Variants in PGBD2 observed in about 807,000 individuals in gnomAD.
PGBD2 encodes piggyBac transposable element derived 2, also known as piggyBac transposable element-derived protein 2.
Under a neutral mutation model 8.1 loss-of-function variants are expected in PGBD2, and 6 were observed. That is an observed-to-expected ratio of 0.74 (90% CI 0.40 to 1.46). The LOEUF (loss-of-function observed/expected upper bound fraction) is 1.46. Among genes scored for constraint, PGBD2 ranks in the 40% most tolerant of loss-of-function variants. PGBD2 has a pLI of 0.02. For missense variants in PGBD2, 802 were observed against 739.0 expected, an observed-to-expected ratio of 1.09 and a Z score of -0.99; for synonymous variants, 318 against 272.2, an observed-to-expected ratio of 1.17 and a Z score of -1.66.
chr1:248,873,447 TGAA>T, the PGBD2 span, among the ~76,000 whole-genome samples: 10 of 152,168 alleles, frequency 6.6e-5, no homozygotes, highest in Non-Finnish European at 1.3e-4. Flanking sequence ...ATGATGATAA[TGAA>T]GAAAAACAAA....
chr1:248,873,760 T>C, the PGBD2 span, among the ~76,000 whole-genome samples: 3 of 152,084 alleles, frequency 2.0e-5, no homozygotes, highest in African/African-American at 7.2e-5. Context: ...GACCAGTCAG[T>C]AGGGTTCCCA....
the PGBD2 span, among the ~76,000 whole-genome samples, chr1:248,900,414 C>T: frequency 1.1e-3 from 166 of 152,316 alleles, 2 homozygotes; most frequent in Admixed American, 1.2e-3. Context: ...TTGTCTTCAT[C>T]CCCAGGATGC....
chr1:248,911,294 T>C (rs887206284), intron 1 of PGBD2, among the ~76,000 whole-genome samples: 1 of 151,410 alleles, frequency 6.6e-6, no homozygotes, highest in African/African-American at 2.4e-5. Flanking sequence ...CCCTGGGTAC[T>C]TGAGATTAGG....
chr1:248,909,516 G>C (rs985336913), intron 1 of PGBD2, among the ~76,000 whole-genome samples: 1 of 152,192 alleles, frequency 6.6e-6, no homozygotes, highest in Non-Finnish European at 1.5e-5. Flanking sequence ...GTGCCCTGGA[G>C]TGTGGCCATT....
At chr1:248,912,448 A>G (rs921096482) in intron 1 of PGBD2, among the ~76,000 whole-genome samples, 10 of 152,170 alleles carry the variant, frequency 6.6e-5, no homozygotes, top group Non-Finnish European at 1.3e-4. Context: ...CAATGGTTAA[A>G]TGGGGGTTAC....
At chr1:248,907,038 A>T (rs561214836) in intron 1 of PGBD2, among the ~76,000 whole-genome samples, 40 of 152,092 alleles carry the variant, frequency 2.6e-4, no homozygotes, top group Non-Finnish European at 4.6e-4. Context: ...GGGGACCGGC[A>T]CTCAGCATAC....
At chr1:248,927,460 C>G in the PGBD2 span, among the ~76,000 whole-genome samples, 1 of 152,170 alleles carries the variant, frequency 6.6e-6, no homozygotes, top group African/African-American at 2.4e-5. Flanking sequence ...TCTTTTAAAA[C>G]AAGAGTCAGC....
At chr1:248,897,075 G>A in the PGBD2 span, among the ~76,000 whole-genome samples, 1 of 152,170 alleles carries the variant, frequency 6.6e-6, no homozygotes, top group East Asian at 1.9e-4. Flanking sequence ...TGCTAGCCGT[G>A]GTAAAGAAAT....
chr1:248,919,382 C>G (rs1260746768), downstream of PGBD2: 1 of 166,522 alleles, frequency 6.0e-6, no homozygotes, highest in African/African-American at 2.4e-5. Flanking sequence ...ACATAATGAC[C>G]TCCAGTTCCA....
At chr1:248,896,973 A>C in the PGBD2 span, among the ~76,000 whole-genome samples, 2 of 152,236 alleles carry the variant, frequency 1.3e-5, no homozygotes, top group Non-Finnish European at 2.9e-5. Context: ...TTCCTCTTCA[A>C]AGATTTTCCT....
chr1:248,889,336 G>C, the PGBD2 span, among the ~76,000 whole-genome samples: 3 of 151,300 alleles, frequency 2.0e-5, no homozygotes, highest in Non-Finnish European at 4.4e-5. Context: ...AGTGAGCCAA[G>C]ATCATGCCAC....
At chr1:248,891,608 T>C in the PGBD2 span, among the ~76,000 whole-genome samples, 2 of 152,154 alleles carry the variant, frequency 1.3e-5, no homozygotes, top group Non-Finnish European at 2.9e-5. Context: ...GGCAGGTGAA[T>C]TGCGTGAGCC....
intron 1 of PGBD2, among the ~76,000 whole-genome samples, chr1:248,912,111 T>C (rs2103108997): frequency 6.6e-6 from 1 of 152,312 alleles, no homozygotes; most frequent in East Asian, 1.9e-4. Flanking sequence ...GGTGCTGAGA[T>C]ATTTCCTTAG....
At chr1:248,921,281 G>C (rs1244459926), downstream of PGBD2, among the ~76,000 whole-genome samples, 2 of 152,082 alleles carry the variant, frequency 1.3e-5, no homozygotes, top group African/African-American at 4.8e-5. Context: ...TAGGTCTTAC[G>C]TTTAAGTCTT....
chr1:248,923,002 C>G (rs779224261), downstream of PGBD2, among the ~76,000 whole-genome samples: 495 of 152,214 alleles, frequency 3.3e-3, 1 homozygote, highest in Admixed American at 6.5e-3. Context: ...CCCTCTTTTT[C>G]TATTGTTTGG....
the PGBD2 span, among the ~76,000 whole-genome samples, chr1:248,927,079 C>T: frequency 1.3e-5 from 2 of 152,150 alleles, no homozygotes; most frequent in African/African-American, 2.4e-5. Flanking sequence ...CAAAGAAATG[C>T]TGTAGCTGAC....
chr1:248,874,931 T>TAGATAGATAGATAGATAGACAGAC, the PGBD2 span, among the ~76,000 whole-genome samples: 7 of 148,682 alleles, frequency 4.7e-5, no homozygotes, highest in African/African-American at 1.8e-4. Flanking sequence ...GATAGATAGA[T>TAGATAGATAGATAGATAGACAGAC]AGATAGATAG....
Position 248,916,612 on chromosome 1 carries a change from G to A in PGBD2, c.28G>A (p.Ala10Thr). 3.7e-6 allele frequency: 6 copies of A among 1,613,928 alleles called. No homozygotes were observed. The highest frequency in any genetic ancestry group is 5.1e-6 in the Non-Finnish European group (6 of 1,179,856). MASTSRDVI[A>T]GRGIHSKVKS... ...TTCCTGTCATAACAGAGATGTCATTGCTGGGAGAGGTATCCACTCAAAGGT... is the reference window on the plus strand; with the variant it reads ...TTCCTGTCATAACAGAGATGTCATTACTGGGAGAGGTATCCACTCAAAGGT... Residue 10 changes from alanine (A) to threonine (T), a missense_variant, in exon 3 of 3, where the codon GCT becomes ACT. Ala to Thr is a moderately conservative substitution (Grantham distance 58). Coordinates refer to ENST00000329291, the MANE Select transcript of PGBD2 (RefSeq NM_170725.3).
the PGBD2 span, among the ~76,000 whole-genome samples, chr1:248,899,217 T>C: frequency 6.6e-5 from 10 of 152,242 alleles, no homozygotes; most frequent in African/African-American, 2.4e-4. Context: ...TTAACAAAAA[T>C]ATTCAGGACC....
Sources: gnomAD v4.1 joint callset for allele counts (sites outside exome capture counted in the v4.1 genomes callset) on GRCh38, gnomAD v4.1.1 for gene constraint, MANE v1.5 for transcripts, NCBI Gene and HGNC (gene_info 2026-07-23, HGNC 2026-07-21) for gene names.